Variants in SMYD3 observed in about 807,000 individuals in gnomAD.
The protein encoded by SMYD3 is SET and MYND domain containing 3.
Under a neutral mutation model 57.7 loss-of-function variants are expected in SMYD3, and 36 were observed. The observed-to-expected ratio is 0.62, with a 90% CI of 0.48 to 0.82. The LOEUF is 0.82. SMYD3 is among the 40% of genes least tolerant of loss of function. The pLI is 0.00. For missense variants in SMYD3, 515 were observed against 538.8 expected (o/e 0.96, Z 0.44); for synonymous variants, 211 against 195.0 (o/e 1.08, Z -0.68).
intron 5 of SMYD3, among the ~76,000 whole-genome samples, chr1:246,236,935 C>G (rs1025332771): frequency 6.6e-6 from 1 of 152,182 alleles, no homozygotes; most frequent in African/African-American, 2.4e-5. Context: ...AGGTCTCGGG[C>G]TCACTGTTTC....
chr1:246,462,238 GGGC>G, intron 1 of SMYD3, among the ~76,000 whole-genome samples: 1 of 60,056 alleles, frequency 1.7e-5, no homozygotes, highest in Admixed American at 2.4e-4. Context: ...TCCTCCCGCG[GGGC>G]CTGCTGGGTA....
intron 5 of SMYD3, among the ~76,000 whole-genome samples, chr1:246,168,062 C>A (rs1431810667): frequency 6.6e-6 from 1 of 152,184 alleles, no homozygotes; most frequent in Non-Finnish European, 1.5e-5. Flanking sequence ...TGAAACCAGA[C>A]TGCTTGGGTC....
chr1:246,019,302 G>A (rs987485138), intron 5 of SMYD3, among the ~76,000 whole-genome samples: 3 of 152,186 alleles, frequency 2.0e-5, no homozygotes, highest in African/African-American at 4.8e-5. Flanking sequence ...CAGCCCCCAC[G>A]ACCAAAGGTT....
At chr1:246,479,444 C>G (rs967130462) in intron 1 of SMYD3, among the ~76,000 whole-genome samples, 3 of 150,882 alleles carry the variant, frequency 2.0e-5, no homozygotes, top group Non-Finnish European at 4.4e-5. Flanking sequence ...TCCTGCTAGG[C>G]ATTGTGGATT....
At chr1:245,910,014 A>G (rs2054855202) in intron 8 of SMYD3, among the ~76,000 whole-genome samples, 1 of 152,172 alleles carries the variant, frequency 6.6e-6, no homozygotes, top group Non-Finnish European at 1.5e-5. Flanking sequence ...AGAAAGGAAG[A>G]ATTCAAGTTA....
chr1:246,331,036 G>A lies in SMYD3; in HGVS notation c.337-499C>T, dbSNP rs1012638501. On this transcript the variant is annotated intron_variant, in intron 3 of 11. Coordinates refer to ENST00000490107, the MANE Select transcript of SMYD3 (RefSeq NM_001167740.2). The stretch of plus-strand genomic sequence containing the variant: ...TGTAGTCCCAGCTACTCAGCAGGCC[G>A]AGGAGGGAGAATCACTTGAGCCCAG... Among the ~76,000 whole-genome samples the A allele has an allele frequency of 4.6e-5, 7 of 152,182 alleles. No individual in the cohort carries two copies. In the East Asian group the frequency reaches 5.8e-4, roughly 13 times the overall value.
At chr1:246,415,006 C>G (rs555732902) in intron 1 of SMYD3, among the ~76,000 whole-genome samples, 1 of 152,092 alleles carries the variant, frequency 6.6e-6, no homozygotes, top group Non-Finnish European at 1.5e-5. Context: ...TGTGAGCCAC[C>G]GCGCCCGGCT....
chr1:246,052,818 A>G (rs1308123211), intron 5 of SMYD3: 1 of 152,218 alleles, frequency 6.6e-6, no homozygotes, highest in Non-Finnish European at 1.5e-5. Context: ...CATGTTCAGG[A>G]AGTAATTATG....
chr1:245,888,540 T>C (rs2053209213), intron 8 of SMYD3, among the ~76,000 whole-genome samples: 3 of 152,204 alleles, frequency 2.0e-5, no homozygotes, highest in Non-Finnish European at 4.4e-5. Flanking sequence ...CTGGGCCGGA[T>C]TGTCCAGCGT....
intron 5 of SMYD3, among the ~76,000 whole-genome samples, chr1:245,964,787 C>A (rs1407887952): frequency 9.4e-5 from 12 of 127,500 alleles, no homozygotes; most frequent in East Asian, 2.7e-4. Flanking sequence ...GCAAAGAGAA[C>A]AAAGATTGTA....
At chr1:246,280,498 T>G (rs1188196335) in intron 5 of SMYD3, among the ~76,000 whole-genome samples, 1 of 152,100 alleles carries the variant, frequency 6.6e-6, no homozygotes, top group Non-Finnish European at 1.5e-5. Context: ...TTAGAGAAGC[T>G]GGGCACAGTA....
intron 10 of SMYD3, among the ~76,000 whole-genome samples, chr1:245,817,951 G>C (rs1467039390): frequency 6.6e-6 from 1 of 152,178 alleles, no homozygotes; most frequent in Admixed American, 6.5e-5. Flanking sequence ...GGGGAGAATG[G>C]AAACAAGTTG....
chr1:246,252,219 C>CCT, intron 5 of SMYD3, among the ~76,000 whole-genome samples: 2 of 142,766 alleles, frequency 1.4e-5, no homozygotes, highest in East Asian at 2.1e-4. Flanking sequence ...TTAGTAGGTG[C>CCT]CGCGGACACT....
At chr1:246,466,367 T>A (rs2103044068) in intron 1 of SMYD3, among the ~76,000 whole-genome samples, 1 of 152,240 alleles carries the variant, frequency 6.6e-6, no homozygotes, top group Non-Finnish European at 1.5e-5. Context: ...CAAAATCATG[T>A]CCTCAGCAGG....
chr1:245,761,120 A>T (rs2045825370), intron 11 of SMYD3, among the ~76,000 whole-genome samples: 1 of 152,158 alleles, frequency 6.6e-6, no homozygotes, highest in African/African-American at 2.4e-5. Context: ...AAGAGACTCA[A>T]TGACTTTTGT....
chr1:246,338,830 G>A (rs1243344589), intron 2 of SMYD3, among the ~76,000 whole-genome samples: 1 of 152,158 alleles, frequency 6.6e-6, no homozygotes, highest in Non-Finnish European at 1.5e-5. Context: ...CCTATCTTGA[G>A]GGTTGTTTGA....
chr1:245,932,868 T>C (rs2056803000), intron 5 of SMYD3, among the ~76,000 whole-genome samples: 1 of 152,228 alleles, frequency 6.6e-6, no homozygotes, highest in Admixed American at 6.5e-5. Context: ...GGATTTCATC[T>C]ATATTAGTCT....
chr1:246,139,270 T>C (rs908437605), intron 5 of SMYD3, among the ~76,000 whole-genome samples: 1 of 152,218 alleles, frequency 6.6e-6, no homozygotes, highest in Non-Finnish European at 1.5e-5. Context: ...TTATAAAATA[T>C]ATCTAATGAA....
intron 8 of SMYD3, among the ~76,000 whole-genome samples, chr1:245,885,680 T>A (rs2148564808): frequency 6.6e-6 from 1 of 152,352 alleles, no homozygotes; most frequent in Admixed American, 6.5e-5. Flanking sequence ...AGGTTCTCTC[T>A]GTCCCTTTTT....
Sources: allele counts gnomAD v4.1 joint callset (sites outside exome capture counted in the v4.1 genomes callset), GRCh38; gene constraint gnomAD v4.1.1; transcripts MANE v1.5; gene names NCBI Gene and HGNC (gene_info 2026-07-23, HGNC 2026-07-21).